Variants in ROCK2 observed in about 807,000 individuals in gnomAD.
The protein encoded by ROCK2 is rho-associated protein kinase 2.
ROCK2 carries 61 observed loss-of-function variants against 195.1 expected under a neutral mutation model. The ratio of observed to expected loss-of-function variants is 0.31; its 90% CI spans 0.25 to 0.39. The LOEUF is 0.39. ROCK2 is among the 10% of genes least tolerant of loss of function. The pLI is 1.00. For missense variants in ROCK2, 1,109 were observed against 1,637.4 expected (o/e 0.68, Z 5.57); for synonymous variants, 504 against 545.5 (o/e 0.92, Z 1.06).
chr2:11,198,628 C>A (rs1481502696), intron 24 of ROCK2, 43 bp from the exon 25 acceptor site: 5 of 1,579,962 alleles, frequency 3.2e-6, no homozygotes, highest in Non-Finnish European at 4.3e-6. Context: ...GTAATTACAG[C>A]AGCTGATAAA....
chr2:11,344,229 G>A lies in ROCK2; in HGVS notation c.-93C>T. 1.5e-6 allele frequency: 2 copies of A among 1,321,162 alleles called. No individual in the cohort carries two copies. Among genetic ancestry groups the A allele is most frequent in the South Asian group, 2.1e-5 (1 of 48,460 alleles). 81.8% of individuals were successfully genotyped at this position (1,321,162 alleles called of 1,614,324 possible). A position where few individuals can be genotyped will look rare whatever the true frequency, so the allele number is the denominator to read the frequency against. On this transcript the variant is annotated 5_prime_UTR_variant, in exon 1 of 33. Coordinates refer to ENST00000315872, the MANE Select transcript of ROCK2 (RefSeq NM_004850.5). The surrounding 1 kb of genome is among the most constrained non-coding windows in gnomAD (Gnocchi z 5.4). ...GCCCCCGAACCACCAGCTCCGGCCG[G>A]GACTCCACCCGGGCCCACCGCCTGC...
chr2:11,329,072 A>AT (rs1203459059), intron 1 of ROCK2, among the ~76,000 whole-genome samples: 1 of 140,582 alleles, frequency 7.1e-6, no homozygotes, highest in Non-Finnish European at 1.6e-5. Context: ...TATAATAATA[A>AT]TTTTTTTAAA....
At chr2:11,340,671 T>C (rs1263757804) in intron 1 of ROCK2, among the ~76,000 whole-genome samples, 1 of 152,210 alleles carries the variant, frequency 6.6e-6, no homozygotes, top group Admixed American at 6.5e-5. Context: ...AATTTTATTT[T>C]AACTAGGCAA....
At chr2:11,232,101 A>T (rs944579739) in intron 5 of ROCK2, among the ~76,000 whole-genome samples, 1 of 151,710 alleles carries the variant, frequency 6.6e-6, no homozygotes. Context: ...CCCTTCTGTA[A>T]GTGGATGAGA....
intron 3 of ROCK2, among the ~76,000 whole-genome samples, chr2:11,272,716 C>T (rs1666681705): frequency 6.6e-6 from 1 of 151,412 alleles, no homozygotes; most frequent in African/African-American, 2.4e-5. Flanking sequence ...CTAAAAATAC[C>T]AAAATTAGCC....
chr2:11,237,607 C>T (rs553055877), intron 4 of ROCK2, among the ~76,000 whole-genome samples: 9 of 152,272 alleles, frequency 5.9e-5, no homozygotes, highest in African/African-American at 2.2e-4. Flanking sequence ...TGGCAACAAA[C>T]CTCTCAGCCA....
At chr2:11,204,997 A>T (rs1265106918) in intron 20 of ROCK2, among the ~76,000 whole-genome samples, 1 of 152,146 alleles carries the variant, frequency 6.6e-6, no homozygotes, top group Non-Finnish European at 1.5e-5. Flanking sequence ...GAAAAACTTT[A>T]ATCTCTATGT....
chr2:11,327,200 T>C (rs914450794), intron 1 of ROCK2, among the ~76,000 whole-genome samples: 1 of 152,182 alleles, frequency 6.6e-6, no homozygotes, highest in African/African-American at 2.4e-5. Flanking sequence ...CTGAGGATTC[T>C]GGCAAGAAGT....
In ROCK2 at chr2:11,344,324, C is replaced by G; in HGVS notation, c.-188G>C. ...GGCTGCTCCCAGGGGCCCGCCCGGC[C>G]CAGCCCGGCCCAGCCCGGCCCGGCC... is the stretch of plus-strand genomic sequence containing the variant. On this transcript the variant is annotated 5_prime_UTR_variant, in exon 1 of 33. Coordinates refer to ENST00000315872, the MANE Select transcript of ROCK2 (RefSeq NM_004850.5). This position sits in a 1 kb window ranked among gnomAD's most constrained non-coding sequence, Gnocchi z 5.4. The G allele has an allele frequency of 8.6e-7, 1 of 1,165,662 alleles. No homozygotes were observed. The highest frequency in any genetic ancestry group is 1.1e-6 in the Non-Finnish European group (1 of 948,452). 72.2% of individuals were successfully genotyped at this position (1,165,662 alleles called of 1,614,324 possible). A position where few individuals can be genotyped will look rare whatever the true frequency, so the allele number is the denominator to read the frequency against.
At chr2:11,263,911 G>T (rs1558339176) in intron 3 of ROCK2, among the ~76,000 whole-genome samples, 1 of 148,718 alleles carries the variant, frequency 6.7e-6, no homozygotes, top group African/African-American at 2.5e-5. Flanking sequence ...ATATTAGTCA[G>T]ATCAGATGTA....
chr2:11,260,972 C>T lies in ROCK2; in HGVS notation c.325-11174G>A, dbSNP rs550511378. ...TACTTGTGAACATGTCTACTTCATA[C>T]GCTCCTTTAGGAATATAACACATAC... On this transcript the variant is annotated intron_variant, in intron 3 of 32. Coordinates refer to ENST00000315872, the MANE Select transcript of ROCK2 (RefSeq NM_004850.5). Among the ~76,000 whole-genome samples the T allele has an allele frequency of 1.1e-4, 16 of 152,344 alleles. No homozygotes were observed. In the South Asian group the frequency reaches 2.3e-3, roughly 22 times the overall value.
intron 1 of ROCK2, among the ~76,000 whole-genome samples, chr2:11,310,293 T>C (rs1435640763): frequency 6.6e-6 from 1 of 152,202 alleles, no homozygotes; most frequent in Non-Finnish European, 1.5e-5. Flanking sequence ...AAATGAGTTC[T>C]GGCCATCACT....
rs1439220881 is a variant in ROCK2, at chr2:11,200,939, A to G, written c.2910+18T>C. 2.5e-6 allele frequency: 4 copies of G among 1,575,968 alleles called. No homozygotes were observed. The Admixed American group carries it at 5.6e-5, about 22-fold the overall frequency. Reference sequence around the variant, plus strand: ...CAATTTAACTATAATCCAAAAAAGCACCAAGAATTTGACTTACAGAAGCAA... The same window carrying G: ...CAATTTAACTATAATCCAAAAAAGCGCCAAGAATTTGACTTACAGAAGCAA... On this transcript the variant is annotated intron_variant, in intron 23 of 32. Transcript: ENST00000315872.
chr2:11,263,205 G>A (rs1175089410), intron 3 of ROCK2, among the ~76,000 whole-genome samples: 1 of 152,156 alleles, frequency 6.6e-6, no homozygotes, highest in Non-Finnish European at 1.5e-5. Flanking sequence ...TACTTTAAAA[G>A]CCTGGCTTAA....
chr2:11,211,080 A>G (rs749928117), intron 18 of ROCK2, among the ~76,000 whole-genome samples: 4 of 152,224 alleles, frequency 2.6e-5, no homozygotes, highest in Non-Finnish European at 5.9e-5. Flanking sequence ...TGGAAAAGAA[A>G]AAATTATCCT....
chr2:11,274,759 G>GCAT (rs1169390968), intron 3 of ROCK2, among the ~76,000 whole-genome samples: 1 of 152,140 alleles, frequency 6.6e-6, no homozygotes, highest in Non-Finnish European at 1.5e-5. Flanking sequence ...CTCATTCTAT[G>GCAT]AGGCCAGCAT....
chr2:11,223,562 TG>T, intron 7 of ROCK2, among the ~76,000 whole-genome samples: 1 of 152,302 alleles, frequency 6.6e-6, no homozygotes. Flanking sequence ...CCCTTAGTTT[TG>T]TAATTTGAGA....
upstream of ROCK2, among the ~76,000 whole-genome samples, chr2:11,345,093 CA>C (rs1669263394): frequency 6.6e-6 from 1 of 152,068 alleles, no homozygotes; most frequent in Non-Finnish European, 1.5e-5. Context: ...CACCCGCGCC[CA>C]AATAATAGCG....
intron 1 of ROCK2, among the ~76,000 whole-genome samples, chr2:11,317,612 A>ATT (rs1553317464): frequency 0.013 from 249 of 19,272 alleles, 27 homozygotes; most frequent in South Asian, 0.025. Context: ...ATATATATAT[A>ATT]TTTTTTTTTT....
Sources: allele counts gnomAD v4.1 joint callset (sites outside exome capture counted in the v4.1 genomes callset), GRCh38; gene constraint gnomAD v4.1.1; non-coding constraint Gnocchi (gnomAD v3.1); transcripts MANE v1.5; gene names NCBI Gene and HGNC (gene_info 2026-07-23, HGNC 2026-07-21).